Variants in SKA2 observed in about 807,000 individuals in gnomAD.
SKA2 encodes spindle and kinetochore-associated protein 2.
In SKA2, 13 loss-of-function variants were observed where a neutral mutation model predicts 16.9. That is an observed-to-expected ratio of 0.77 (90% CI 0.50 to 1.22). The LOEUF (loss-of-function observed/expected upper bound fraction) is 1.22, where lower values mean the gene tolerates loss of function less well. Among genes scored for constraint, SKA2 ranks in the 50% most tolerant of loss-of-function variants. SKA2 has a pLI of 0.00. For synonymous variants in SKA2, 47 were observed against 48.5 expected (o/e 0.97, Z 0.13); for missense variants, 107 against 139.7 (o/e 0.77, Z 1.18).
At chr17:59,117,621 C>T (rs1420799762) in intron 3 of SKA2, among the ~76,000 whole-genome samples, 1 of 148,732 alleles carries the variant, frequency 6.7e-6, no homozygotes, top group Non-Finnish European at 1.5e-5. Flanking sequence ...GATAGGTTCT[C>T]ACTATGTTGT....
intron 2 of SKA2, among the ~76,000 whole-genome samples, chr17:59,128,625 CAAA>C (rs761411258): frequency 1.1e-4 from 6 of 56,220 alleles, no homozygotes; most frequent in Admixed American, 4.0e-4. Flanking sequence ...GACTCGGTCT[CAAA>C]AAAAAAAAAA....
chr17:59,131,299 A>T lies in SKA2; in HGVS notation c.102T>A (p.His34Gln), dbSNP rs756832285. ...YRLEYEIKTN[H>Q]PDSASEKNPV... is the part of the protein sequence containing the mutation. ...AGATTACCTCACTTGCTGAATCAGG[A>T]TGATTAGTCTTGATTTCATATTCCA... is the stretch of plus-strand genomic sequence containing the variant. Residue 34 changes from histidine (H) to glutamine (Q), a missense_variant, in exon 2 of 4, where the codon CAT becomes CAA. By Grantham distance (24) the His-to-Gln change is conservative (BLOSUM62 0). Coordinates refer to ENST00000330137, the MANE Select transcript of SKA2 (RefSeq NM_182620.4). 2 of 1,580,828 alleles carry T rather than the reference A, an allele frequency of 1.3e-6. No individual in the cohort carries two copies. The highest frequency in any genetic ancestry group is 1.7e-6 in the Non-Finnish European group (2 of 1,161,280).
intron 2 of SKA2, among the ~76,000 whole-genome samples, chr17:59,128,216 GAA>G (rs542313393): frequency 7.2e-6 from 1 of 138,224 alleles, no homozygotes. Flanking sequence ...CTCCATCTCA[GAA>G]AAAAAAAAAG....
At chr17:59,125,530 G>T (rs574849332) in intron 2 of SKA2, among the ~76,000 whole-genome samples, 1 of 150,992 alleles carries the variant, frequency 6.6e-6, no homozygotes, top group African/African-American at 2.4e-5. Flanking sequence ...GTGAAACCCC[G>T]TCTCTAATAA....
chr17:59,116,904 G>T (rs891589267), intron 3 of SKA2, among the ~76,000 whole-genome samples: 3 of 131,410 alleles, frequency 2.3e-5, no homozygotes, highest in African/African-American at 8.8e-5. Flanking sequence ...TGCAACCTCC[G>T]CCTCCCAGGT....
chr17:59,148,108 A>G (rs1393167439), intron 1 of SKA2, among the ~76,000 whole-genome samples: 7 of 152,090 alleles, frequency 4.6e-5, no homozygotes, highest in African/African-American at 1.4e-4. Context: ...CCAAAGTGCT[A>G]GGATTACAGG....
At chr17:59,139,305 G>T (rs1182004666) in intron 1 of SKA2, among the ~76,000 whole-genome samples, 1 of 150,276 alleles carries the variant, frequency 6.7e-6, no homozygotes, top group Non-Finnish European at 1.5e-5. Flanking sequence ...GCTGGAGCAG[G>T]AGAATGGCAT....
rs866031811 is a variant in SKA2 at position 59,137,948 on chromosome 17, C to T, written c.34-6581G>A. On this transcript the variant is annotated intron_variant, in intron 1 of 3. Transcript: ENST00000330137. ...AAACTCATTAGTGTCTGATAAATCGCGCAAATTTGATTCTGATAAACATCA... is the reference window on the plus strand; with the variant it reads ...AAACTCATTAGTGTCTGATAAATCGTGCAAATTTGATTCTGATAAACATCA... 40 of 372,148 alleles carry T rather than the reference C, an allele frequency of 1.1e-4. No homozygotes were observed. In the Middle Eastern group the frequency reaches 1.7e-3, roughly 16 times the overall value. 23.1% of individuals were successfully genotyped at this position (372,148 alleles called of 1,614,324 possible).
chr17:59,119,293 T>C, intron 3 of SKA2, 26 bp downstream of exon 3: 1 of 1,611,042 alleles, frequency 6.2e-7, no homozygotes, highest in Admixed American at 1.7e-5. Flanking sequence ...GCTAAACAAA[T>C]CTAACCTGTC....
chr17:59,132,444 A>G (rs1599668960), intron 1 of SKA2, among the ~76,000 whole-genome samples: 1 of 152,152 alleles, frequency 6.6e-6, no homozygotes, highest in African/African-American at 2.4e-5. Context: ...CGGGCGGGTC[A>G]CTTCAGCCCG....
chr17:59,150,672 T>A (rs9914249), intron 1 of SKA2, among the ~76,000 whole-genome samples: 211 of 151,832 alleles, frequency 1.4e-3, no homozygotes, highest in African/African-American at 5.0e-3. Context: ...AGCCCGGGAG[T>A]ACAAGGCTGC....
intron 2 of SKA2, chr17:59,129,362 C>CAG (rs984175392): frequency 2.0e-5 from 3 of 149,554 alleles, no homozygotes; most frequent in African/African-American, 5.0e-5. Flanking sequence ...CACACATACA[C>CAG]ACACACACAC....
chr17:59,135,735 A>AAAAATATATTTAAAAAATATATTTTT (rs2046439973), intron 1 of SKA2, among the ~76,000 whole-genome samples: 1 of 150,598 alleles, frequency 6.6e-6, no homozygotes, highest in African/African-American at 2.4e-5. Context: ...CCCATCCTGA[A>AAAAATATATTTAAAAAATATATTTTT]AAAATATATT....
rs181281278 is a variant in SKA2, at chr17:59,125,259, G to A, written c.121-5764C>T. Among the ~76,000 whole-genome samples, 1,434 of 149,818 alleles carry A rather than the reference G, an allele frequency of 9.6e-3. 28 individuals are homozygous for A. Among genetic ancestry groups the A allele is most frequent in the African/African-American group, 0.033 (1,325 of 40,718 alleles). ...ACCCGCCTTGGCCTCCCAAAGTGCT[G>A]GGATTACAGGTATGAGCCACCGCGC... On this transcript the variant is annotated intron_variant, in intron 2 of 3. Transcript: ENST00000330137.
intron 3 of SKA2, among the ~76,000 whole-genome samples, chr17:59,113,826 C>CAA (rs1042434540): frequency 2.8e-5 from 3 of 106,856 alleles, no homozygotes; most frequent in African/African-American, 3.5e-5. Flanking sequence ...AACTCTGTCT[C>CAA]AAAAAAAAAA....
intron 2 of SKA2, among the ~76,000 whole-genome samples, chr17:59,130,144 C>G (rs572796382): frequency 6.6e-6 from 1 of 152,092 alleles, no homozygotes; most frequent in African/African-American, 2.4e-5. Context: ...AGAATTCTAG[C>G]ATTCCATGAA....
intron 1 of SKA2, among the ~76,000 whole-genome samples, chr17:59,146,953 A>C (rs928049874): frequency 3.3e-5 from 5 of 152,148 alleles, no homozygotes; most frequent in Admixed American, 6.6e-5. Context: ...TATAGGCGTG[A>C]GCCACTGCAC....
At chr17:59,154,786 G>T (rs1322228131) in intron 1 of SKA2, among the ~76,000 whole-genome samples, 1 of 152,100 alleles carries the variant, frequency 6.6e-6, no homozygotes, top group Non-Finnish European at 1.5e-5. Flanking sequence ...GACGCTTAGG[G>T]ACCGTTCCAT....
chr17:59,117,540 T>C (rs2046304732), intron 3 of SKA2, among the ~76,000 whole-genome samples: 2 of 151,986 alleles, frequency 1.3e-5, no homozygotes, highest in African/African-American at 4.8e-5. Context: ...CAGCATGCAC[T>C]CCCATGCCCA....
Sources: gnomAD v4.1 joint callset for allele counts (sites outside exome capture counted in the v4.1 genomes callset) on GRCh38, gnomAD v4.1.1 for gene constraint, MANE v1.5 for transcripts, NCBI Gene and HGNC (gene_info 2026-07-23, HGNC 2026-07-21) for gene names.